PTPN3: variants seen among roughly 807,000 people sequenced by gnomAD.
PTPN3 encodes tyrosine-protein phosphatase non-receptor type 3.
Under a neutral mutation model 132.7 loss-of-function variants are expected in PTPN3, and 96 were observed. The ratio of observed to expected loss-of-function variants is 0.72; its 90% CI spans 0.61 to 0.86. The LOEUF (loss-of-function observed/expected upper bound fraction) is 0.86, where lower values mean the gene tolerates loss of function less well. Among genes scored for constraint, PTPN3 ranks in the 40% least tolerant of loss-of-function variants. The pLI, the probability that PTPN3 is intolerant of heterozygous loss-of-function variation, is 0.00. For missense variants in PTPN3, 1,125 were observed against 1,159.6 expected, an observed-to-expected ratio of 0.97 and a Z score of 0.43; for synonymous variants, 398 against 429.0, an observed-to-expected ratio of 0.93 and a Z score of 0.89.
chr9:109,420,699 A>T, intron 13 of PTPN3, 99 bp from the exon 14 acceptor site: 2 of 1,277,140 alleles, frequency 1.6e-6, no homozygotes, highest in Non-Finnish European at 2.1e-6. Context: ...CTTTCTAAGG[A>T]TGCCTTCCTT....
chr9:109,507,539 C>T, the PTPN3 span, among the ~76,000 whole-genome samples: 8 of 152,242 alleles, frequency 5.3e-5, no homozygotes, highest in Admixed American at 6.5e-5. Context: ...TCCTCAACTG[C>T]GCCCTGGCGT....
chr9:109,403,433 G>C (rs535320633), intron 19 of PTPN3, among the ~76,000 whole-genome samples: 1 of 152,294 alleles, frequency 6.6e-6, no homozygotes, highest in Non-Finnish European at 1.5e-5. Context: ...TATGAACCCA[G>C]ACTGTTGTTA....
chr9:109,495,241 A>G (rs763818961), intron 1 of PTPN3, among the ~76,000 whole-genome samples: 1 of 152,202 alleles, frequency 6.6e-6, no homozygotes, highest in African/African-American at 2.4e-5. Context: ...CAGCTTCTAC[A>G]ACAGATCTTG....
rs368398988 is a variant in PTPN3 at position 109,409,956 on chromosome 9, T to C, written c.1578+43A>G. 3.9e-5 allele frequency: 62 copies of C among 1,603,442 alleles called. 1 individual carries two copies. The highest frequency in any genetic ancestry group is 3.5e-4 in the South Asian group (31 of 89,748). On this transcript the variant is annotated intron_variant, in intron 16 of 25. Transcript: ENST00000374541. Reference sequence around the variant, plus strand: ...TGCAAATTAAAAACTCATTGAAAGATTGCTTCCCAGCACAAAACTTCCTTT... The same window carrying C: ...TGCAAATTAAAAACTCATTGAAAGACTGCTTCCCAGCACAAAACTTCCTTT...
At chr9:109,510,175 T>C in the PTPN3 span, among the ~76,000 whole-genome samples, 1 of 152,194 alleles carries the variant, frequency 6.6e-6, no homozygotes, top group Non-Finnish European at 1.5e-5. Flanking sequence ...AGAAAAGATA[T>C]GAACCCCATC....
intron 1 of PTPN3, among the ~76,000 whole-genome samples, chr9:109,484,270 T>C (rs1350301596): frequency 6.6e-6 from 1 of 152,224 alleles, no homozygotes; most frequent in East Asian, 1.9e-4. Flanking sequence ...AGCATGCTGC[T>C]GTGTCACCAC....
chr9:109,526,684 A>ATAAC, the PTPN3 span, among the ~76,000 whole-genome samples: 1 of 152,102 alleles, frequency 6.6e-6, no homozygotes, highest in African/African-American at 2.4e-5. Context: ...AAATAAATAA[A>ATAAC]TAAACAAAAT....
chr9:109,509,517 T>C, the PTPN3 span, among the ~76,000 whole-genome samples: 5 of 152,210 alleles, frequency 3.3e-5, no homozygotes, highest in African/African-American at 9.7e-5. Flanking sequence ...CTGTCTAACA[T>C]CTTTTCTTAT....
At chr9:109,497,597 GA>G (rs957094619) in intron 1 of PTPN3, among the ~76,000 whole-genome samples, 14 of 152,156 alleles carry the variant, frequency 9.2e-5, no homozygotes. Flanking sequence ...CTGAAAATGG[GA>G]ATTTCGGGGG....
rs1170933792 is a variant in PTPN3, at chr9:109,433,916, TAAAAAA to T, written c.676-761_676-756del. Among the ~76,000 whole-genome samples, 12 of 98,302 alleles carry T rather than the reference TAAAAAA, an allele frequency of 1.2e-4. 1 individual carries two copies. The highest frequency in any genetic ancestry group is 1.5e-4 in the Non-Finnish European group (7 of 46,234). 64.5% of individuals were successfully genotyped at this position (98,302 alleles called of 152,430 possible). A position where few individuals can be genotyped will look rare whatever the true frequency, so the allele number is the denominator to read the frequency against. On this transcript the variant is annotated intron_variant, in intron 9 of 25. Coordinates refer to ENST00000374541, the MANE Select transcript of PTPN3 (RefSeq NM_002829.4). The stretch of plus-strand genomic sequence containing the variant: ...CTAGGCAGCAGAGGGAGACTCTGTT[TAAAAAA>T]AAAAAAAAAAAAAAAAAAAAAGCGT...
chr9:109,471,169 G>A (rs528554619), intron 1 of PTPN3, among the ~76,000 whole-genome samples: 8 of 151,598 alleles, frequency 5.3e-5, no homozygotes, highest in Admixed American at 6.6e-5. Context: ...CAATTCTTGT[G>A]CCTCAGCCTC....
chr9:109,396,271 T>TAGGA lies in PTPN3; in HGVS notation c.1954-4714_1954-4711dup, dbSNP rs574143446. On this transcript the variant is annotated intron_variant, in intron 19 of 25. Coordinates refer to ENST00000374541, the MANE Select transcript of PTPN3 (RefSeq NM_002829.4). ...GGAGGGACAGAGTGGAAAGTGAGTG[T>TAGGA]AGGAATCACAGGTATGTCTTTCTGG... 5.2e-4 allele frequency among the ~76,000 whole-genome samples: 79 copies of TAGGA among 152,270 alleles called. No individual in the cohort carries two copies. In the Middle Eastern group the frequency reaches 0.014, roughly 26 times the overall value.
rs140628740 is a variant in PTPN3 at position 109,406,591 on chromosome 9, C to T, written c.1663G>A (p.Glu555Lys). 2.8e-5 allele frequency: 45 copies of T among 1,614,172 alleles called. No individual in the cohort carries two copies. The highest frequency in any genetic ancestry group is 3.2e-5 in the Non-Finnish European group (38 of 1,180,004). Residue 555 changes from glutamate (E) to lysine (K), a missense_variant, in exon 18 of 26, where the codon GAA (glutamate) becomes AAA (lysine). By Grantham distance (56) the Glu-to-Lys change is moderately conservative (BLOSUM62 1). Transcript: ENST00000374541. ...TTGATTAACACGATTTGATCCCCTT[C>T]GTTCAGCTTAGGAATGCAGGTGTCC... Reference protein sequence around the residue: ...PADTCIPKLNEGDQIVLINGR... With the variant: ...PADTCIPKLNKGDQIVLINGR...
chr9:109,470,547 T>A (rs1205093329), intron 1 of PTPN3, among the ~76,000 whole-genome samples: 2 of 144,452 alleles, frequency 1.4e-5, no homozygotes, highest in African/African-American at 2.5e-5. Flanking sequence ...AAAAAAAAAA[T>A]TAGCTGCATG....
At chr9:109,399,382 C>A (rs917305531) in intron 19 of PTPN3, among the ~76,000 whole-genome samples, 1 of 152,182 alleles carries the variant, frequency 6.6e-6, no homozygotes, top group Non-Finnish European at 1.5e-5. Context: ...TTGTGTGCCA[C>A]TGGGCAAGTC....
intron 25 of PTPN3, 127 bp from the exon 26 acceptor site, chr9:109,379,760 A>C: frequency 1.3e-6 from 1 of 781,934 alleles, no homozygotes; most frequent in Non-Finnish European, 2.2e-6. Context: ...GCCACAGGCC[A>C]GGTACACCTG....
At chr9:109,462,727 C>T (rs1845906141) in intron 2 of PTPN3, among the ~76,000 whole-genome samples, 1 of 152,000 alleles carries the variant, frequency 6.6e-6, no homozygotes, top group Non-Finnish European at 1.5e-5. Context: ...GTGGGATGAG[C>T]CAGAACCTCC....
intron 1 of PTPN3, among the ~76,000 whole-genome samples, chr9:109,491,550 A>T (rs986897008): frequency 6.6e-6 from 1 of 152,166 alleles, no homozygotes; most frequent in African/African-American, 2.4e-5. Context: ...AAGTTTTTTT[A>T]AAAAAGAGAC....
the PTPN3 span, among the ~76,000 whole-genome samples, chr9:109,526,341 T>G: frequency 6.2e-4 from 55 of 89,062 alleles, no homozygotes; most frequent in African/African-American, 2.2e-3. Context: ...TCAGCAAGTT[T>G]TTTTTTTTTT....
Sources: gnomAD v4.1 joint callset for allele counts (sites outside exome capture counted in the v4.1 genomes callset) on GRCh38, gnomAD v4.1.1 for gene constraint, MANE v1.5 for transcripts, NCBI Gene and HGNC (gene_info 2026-07-23, HGNC 2026-07-21) for gene names.